The following BICC1 variants were observed in gnomAD, a reference collection of about 807,000 sequenced individuals.
BICC1 encodes BicC family RNA binding protein 1.
BICC1 carries 43 observed loss-of-function variants against 111.0 expected under a neutral mutation model. The observed-to-expected ratio is 0.39, with a 90% CI of 0.30 to 0.50. The LOEUF (loss-of-function observed/expected upper bound fraction) is 0.50, where lower values mean the gene tolerates loss of function less well. Ranked by LOEUF, BICC1 falls within the 20% of genes least tolerant of loss-of-function variation. BICC1 has a pLI of 0.88. For missense variants in BICC1, 1,091 were observed against 1,203.2 expected (o/e 0.91, Z 1.38); for synonymous variants, 467 against 434.4 (o/e 1.07, Z -0.93).
chr10:58,567,536 A>G lies in BICC1; in HGVS notation c.191-53319A>G, dbSNP rs139577880. Among the ~76,000 whole-genome samples the G allele has an allele frequency of 4.5e-3, 686 of 151,620 alleles. 5 individuals are homozygous for G. Among genetic ancestry groups the G allele is most frequent in the African/African-American group, 0.016 (660 of 41,388 alleles). The stretch of plus-strand genomic sequence containing the variant: ...TATATGTATCTTTTAGGGTATATAT[A>G]TATATCTCTTTTAGGGGATATATAT... On this transcript the variant is annotated intron_variant, in intron 1 of 20. Transcript: ENST00000373886.
chr10:58,574,016 CAAAT>C (rs1844038149), intron 1 of BICC1, among the ~76,000 whole-genome samples: 1 of 152,066 alleles, frequency 6.6e-6, no homozygotes, highest in African/African-American at 2.4e-5. Context: ...TTGTTTATGA[CAAAT>C]AAAATTTGGA....
At chr10:58,731,518 G>A (rs1476994479) in intron 3 of BICC1, among the ~76,000 whole-genome samples, 2 of 152,024 alleles carry the variant, frequency 1.3e-5, no homozygotes, top group African/African-American at 4.8e-5. Context: ...GTCTGTTCTT[G>A]CACTGTTATA....
chr10:58,758,146 C>T (rs532780692), intron 3 of BICC1, among the ~76,000 whole-genome samples: 3 of 152,126 alleles, frequency 2.0e-5, no homozygotes, highest in African/African-American at 2.4e-5. Context: ...GGTCAGTAGC[C>T]GTCATTAAAA....
chr10:58,823,392 C>T, intron 20 of BICC1: 1 of 985,056 alleles, frequency 1.0e-6, no homozygotes, highest in Non-Finnish European at 1.2e-6. Context: ...AACAGCAATT[C>T]TAAAGTCTCT....
intron 1 of BICC1, among the ~76,000 whole-genome samples, chr10:58,520,712 T>C (rs1564469154): frequency 6.6e-6 from 1 of 152,116 alleles, no homozygotes; most frequent in Non-Finnish European, 1.5e-5. Flanking sequence ...ATTGCTGTTT[T>C]TTCCCCCTCG....
At chr10:58,816,488 A>T (rs1406572643) in intron 18 of BICC1, among the ~76,000 whole-genome samples, 2 of 152,140 alleles carry the variant, frequency 1.3e-5, no homozygotes, top group Non-Finnish European at 2.9e-5. Context: ...CAATTGGGAG[A>T]TGAAAACAAC....
chr10:58,621,829 CAG>C (rs1348867991), intron 2 of BICC1, among the ~76,000 whole-genome samples: 4 of 152,018 alleles, frequency 2.6e-5, no homozygotes, highest in African/African-American at 9.7e-5. Context: ...ACCCGGAAGA[CAG>C]AGGTTGCAGT....
intron 2 of BICC1, among the ~76,000 whole-genome samples, chr10:58,658,599 T>A (rs550988635): frequency 2.0e-5 from 3 of 152,288 alleles, no homozygotes; most frequent in African/African-American, 7.2e-5. Context: ...CGCTCTTTTA[T>A]TCCCTGTTTA....
At chr10:58,778,123 G>T (rs1842795740) in intron 3 of BICC1, among the ~76,000 whole-genome samples, 1 of 151,982 alleles carries the variant, frequency 6.6e-6, no homozygotes, top group Non-Finnish European at 1.5e-5. Context: ...TGAGGTGGGA[G>T]GATCGCTTGA....
intron 2 of BICC1, among the ~76,000 whole-genome samples, chr10:58,628,022 G>T (rs1837683161): frequency 6.6e-6 from 1 of 151,838 alleles, no homozygotes; most frequent in Non-Finnish European, 1.5e-5. Context: ...AGGACAAAAG[G>T]CATATAAATA....
intron 1 of BICC1, among the ~76,000 whole-genome samples, chr10:58,534,485 T>C (rs767682266): frequency 1.3e-4 from 20 of 151,736 alleles, no homozygotes; most frequent in Admixed American, 3.3e-4. Context: ...AAGAAACTTA[T>C]ACAGAGTCTT....
chr10:58,731,946 A>G (rs1177272515), intron 3 of BICC1, among the ~76,000 whole-genome samples: 1 of 152,236 alleles, frequency 6.6e-6, no homozygotes, highest in Non-Finnish European at 1.5e-5. Context: ...TCCAAATCAT[A>G]TCAAGGCTAT....
intron 3 of BICC1, among the ~76,000 whole-genome samples, chr10:58,767,629 G>C (rs1485163967): frequency 6.6e-6 from 1 of 152,102 alleles, no homozygotes; most frequent in Non-Finnish European, 1.5e-5. Flanking sequence ...AAAAATAATT[G>C]CTTTTTAAGG....
intron 3 of BICC1, among the ~76,000 whole-genome samples, chr10:58,780,670 A>C (rs1205955434): frequency 6.6e-6 from 1 of 152,184 alleles, no homozygotes; most frequent in Non-Finnish European, 1.5e-5. Flanking sequence ...TAAAATATTC[A>C]CTAATGTTTC....
intron 3 of BICC1, among the ~76,000 whole-genome samples, chr10:58,772,918 T>C (rs184096360): frequency 8.5e-5 from 13 of 152,258 alleles, no homozygotes; most frequent in African/African-American, 2.4e-4. Context: ...CAAGAAAATA[T>C]TAAAGAAATT....
chr10:58,624,449 T>G (rs1357473594), intron 2 of BICC1, among the ~76,000 whole-genome samples: 1 of 152,248 alleles, frequency 6.6e-6, no homozygotes, highest in Non-Finnish European at 1.5e-5. Context: ...TGATACTCAG[T>G]CTGATCTATA....
chr10:58,519,588 G>A (rs1246303703), intron 1 of BICC1, among the ~76,000 whole-genome samples: 15 of 152,276 alleles, frequency 9.9e-5, no homozygotes, highest in Non-Finnish European at 1.0e-4. Context: ...TTATATATCA[G>A]TAGAATTTCT....
chr10:58,744,663 C>A (rs1841776572), intron 3 of BICC1, among the ~76,000 whole-genome samples: 1 of 139,216 alleles, frequency 7.2e-6, no homozygotes, highest in African/African-American at 2.5e-5. Flanking sequence ...CATGATGAAA[C>A]TTTTATGATT....
chr10:58,712,081 G>A (rs1319017624), intron 3 of BICC1, among the ~76,000 whole-genome samples: 1 of 152,126 alleles, frequency 6.6e-6, no homozygotes, highest in Non-Finnish European at 1.5e-5. Context: ...ATATACAGAT[G>A]GCAAATAAGC....
Sources: allele counts gnomAD v4.1 joint callset (sites outside exome capture counted in the v4.1 genomes callset), GRCh38; gene constraint gnomAD v4.1.1; transcripts MANE v1.5; gene names NCBI Gene and HGNC (gene_info 2026-07-23, HGNC 2026-07-21).